AFAP1: variants seen among roughly 807,000 people sequenced by gnomAD.
AFAP1 encodes the protein actin filament-associated protein 1.
AFAP1 carries 75 observed loss-of-function variants against 93.9 expected under a neutral mutation model. That is an observed-to-expected ratio of 0.80 (90% CI 0.66 to 0.97). AFAP1 has a LOEUF of 0.97. Among genes scored for constraint, AFAP1 ranks in the 50% least tolerant of loss-of-function variants. AFAP1 has a pLI of 0.00. For synonymous variants in AFAP1, 517 were observed against 430.7 expected (o/e 1.20, Z -2.48); for missense variants, 1,201 against 1,050.8 (o/e 1.14, Z -1.98).
At chr4:7,872,116 G>C in intron 1 of AFAP1, 36 bp from the exon 2 acceptor site, 4 of 1,610,514 alleles carry the variant, frequency 2.5e-6, no homozygotes, top group Non-Finnish European at 3.4e-6. Context: ...ATTAGACCCA[G>C]TGATTTGCAA....
At chr4:7,862,769 C>T (rs1451202508) in intron 3 of AFAP1, among the ~76,000 whole-genome samples, 1 of 152,082 alleles carries the variant, frequency 6.6e-6, no homozygotes, top group Non-Finnish European at 1.5e-5. Flanking sequence ...AAAATATGTC[C>T]AGAAAATGCC....
intron 3 of AFAP1, among the ~76,000 whole-genome samples, chr4:7,859,795 T>C (rs1715467011): frequency 6.6e-6 from 1 of 152,310 alleles, no homozygotes; most frequent in South Asian, 2.1e-4. Context: ...AATTCTCGTC[T>C]TTTGGAAAGG....
intron 6 of AFAP1, among the ~76,000 whole-genome samples, chr4:7,830,095 T>C (rs1272999537): frequency 2.5e-5 from 1 of 39,280 alleles, no homozygotes; most frequent in African/African-American, 1.4e-4. Context: ...CAGGATACTT[T>C]GTTTAGGTGG....
At chr4:7,865,945 G>A (rs1716346838) in intron 3 of AFAP1, among the ~76,000 whole-genome samples, 1 of 152,236 alleles carries the variant, frequency 6.6e-6, no homozygotes, top group African/African-American at 2.4e-5. Context: ...TACGCAGGCT[G>A]GAGTGCAGTG....
Position 7,871,821 on chromosome 4 carries a change from A to C in AFAP1, c.127+131T>G, listed in dbSNP as rs189259487. On this transcript the variant is annotated intron_variant, in intron 2 of 17. Coordinates refer to ENST00000420658, the MANE Select transcript of AFAP1 (RefSeq NM_001134647.2). ...TGGCACAAGTGTAAACCCTCAATGAAAACTTGATGAATAAATAAGCTTGTA... is the reference window on the plus strand; with the variant it reads ...TGGCACAAGTGTAAACCCTCAATGACAACTTGATGAATAAATAAGCTTGTA... 309 of 1,308,498 alleles carry C rather than the reference A, an allele frequency of 2.4e-4. 2 individuals are homozygous for C. The African/African-American group carries it at 4.3e-3, about 18-fold the overall frequency. 81.1% of individuals were successfully genotyped at this position (1,308,498 alleles called of 1,614,324 possible). A position where few individuals can be genotyped will look rare whatever the true frequency, so the allele number is the denominator to read the frequency against.
At chr4:7,872,926 CT>C (rs1166681967) in intron 1 of AFAP1, among the ~76,000 whole-genome samples, 1,301 of 119,604 alleles carry the variant, frequency 0.011, 23 homozygotes, top group African/African-American at 0.037. Context: ...GTTTTTTTTC[CT>C]TTTTTTTTTT....
chr4:7,930,249 C>A (rs561423743), intron 1 of AFAP1, among the ~76,000 whole-genome samples: 17 of 152,314 alleles, frequency 1.1e-4, no homozygotes, highest in African/African-American at 4.1e-4. Context: ...GGCTCCCATG[C>A]CCCTGGGAGT....
chr4:7,834,503 T>C (rs1712041469), intron 6 of AFAP1, among the ~76,000 whole-genome samples: 1 of 152,120 alleles, frequency 6.6e-6, no homozygotes, highest in Admixed American at 6.5e-5. Flanking sequence ...CCCAATAACC[T>C]ATGGAAATTT....
intron 9 of AFAP1, among the ~76,000 whole-genome samples, chr4:7,802,250 G>A (rs923506497): frequency 4.8e-5 from 7 of 146,364 alleles, no homozygotes; most frequent in African/African-American, 1.7e-4. Context: ...GTGGGCTGAT[G>A]TTGTTAGGGA....
chr4:7,833,392 C>T (rs1314130768), intron 6 of AFAP1, among the ~76,000 whole-genome samples: 4 of 151,918 alleles, frequency 2.6e-5, no homozygotes, highest in Non-Finnish European at 5.9e-5. Context: ...AACAAACATA[C>T]AAAAAAATGC....
At chr4:7,921,917 G>A (rs567286903) in intron 1 of AFAP1, among the ~76,000 whole-genome samples, 1 of 152,324 alleles carries the variant, frequency 6.6e-6, no homozygotes, top group South Asian at 2.1e-4. Context: ...GAGGCCAACA[G>A]ATCGAGACCA....
intron 12 of AFAP1, among the ~76,000 whole-genome samples, chr4:7,785,507 T>A (rs1436616172): frequency 6.6e-6 from 1 of 152,216 alleles, no homozygotes; most frequent in Non-Finnish European, 1.5e-5. Context: ...TTCACAGCAT[T>A]TTAATCCCAT....
chr4:7,851,588 G>C (rs1039175777), intron 4 of AFAP1, among the ~76,000 whole-genome samples: 3 of 152,202 alleles, frequency 2.0e-5, no homozygotes, highest in African/African-American at 4.8e-5. Context: ...CACTGTAGCT[G>C]CATCAGTCAT....
chr4:7,800,342 G>C, intron 10 of AFAP1, 100 bp downstream of exon 10: 9 of 1,263,772 alleles, frequency 7.1e-6, no homozygotes, highest in Non-Finnish European at 1.0e-5. Context: ...CTGTCAGCGA[G>C]ATGGGAGGAA....
At chr4:7,809,564 T>C in intron 9 of AFAP1, 50 bp downstream of exon 9, 2 of 1,569,224 alleles carry the variant, frequency 1.3e-6, no homozygotes, top group Non-Finnish European at 1.7e-6. Flanking sequence ...CAGGAGAAAA[T>C]GAAACCCACT....
chr4:7,895,624 T>C (rs868857987), intron 1 of AFAP1, among the ~76,000 whole-genome samples: 42 of 148,774 alleles, frequency 2.8e-4, no homozygotes, highest in African/African-American at 8.3e-4. Flanking sequence ...TAAAATAATG[T>C]CTCCAGAGTA....
chr4:7,838,490 C>CTTT, intron 6 of AFAP1, 34 bp downstream of exon 6: 1 of 1,576,504 alleles, frequency 6.3e-7, no homozygotes, highest in Non-Finnish European at 8.6e-7. Flanking sequence ...GCATGTGGAA[C>CTTT]TGAAATGGCT....
In AFAP1 at chr4:7,809,633, C is replaced by T. The variant is rs1394307023; in HGVS notation, c.1035G>A (p.Glu345=). The T allele has an allele frequency of 6.2e-7, 1 of 1,612,990 alleles. No individual in the cohort carries two copies. Among genetic ancestry groups the T allele is most frequent in the Non-Finnish European group, 8.5e-7 (1 of 1,179,760 alleles). ...TCTTACCGCAGGTGGGAACATCTTC[C>T]TCAGCTGAGGAGGTCTGCTCGTCTG... ...PSTDEQTSSA[E]EDVPTCGYLN... The change falls in exon 9 of 18, where the codon GAG becomes GAA. Residue 345 remains glutamate, a synonymous_variant. Coordinates refer to ENST00000420658, the MANE Select transcript of AFAP1 (RefSeq NM_001134647.2).
At chr4:7,874,639 T>G (rs1325255860) in intron 1 of AFAP1, among the ~76,000 whole-genome samples, 1 of 137,652 alleles carries the variant, frequency 7.3e-6, no homozygotes, top group East Asian at 2.4e-4. Flanking sequence ...CACCTCGGCC[T>G]CCCAAAGTGC....
Sources: allele counts gnomAD v4.1 joint callset (sites outside exome capture counted in the v4.1 genomes callset), GRCh38; gene constraint gnomAD v4.1.1; transcripts MANE v1.5; gene names NCBI Gene and HGNC (gene_info 2026-07-23, HGNC 2026-07-21).